The following ATP2B2 variants were observed in gnomAD, a reference collection of about 807,000 sequenced individuals.
The protein encoded by ATP2B2 is plasma membrane calcium-transporting ATPase 2.
ATP2B2 carries 15 observed loss-of-function variants against 120.0 expected under a neutral mutation model. The observed-to-expected ratio is 0.12, with a 90% CI of 0.08 to 0.19. The LOEUF (loss-of-function observed/expected upper bound fraction) is 0.19, where lower values mean the gene tolerates loss of function less well. Among genes scored for constraint, ATP2B2 ranks in the 10% least tolerant of loss-of-function variants. The pLI is 1.00. For synonymous variants in ATP2B2, 694 were observed against 700.3 expected (o/e 0.99, Z 0.14); for missense variants, 1,045 against 1,719.8 (o/e 0.61, Z 6.94).
chr3:10,391,024 T>C (rs1484161023), intron 5 of ATP2B2, among the ~76,000 whole-genome samples: 1 of 152,180 alleles, frequency 6.6e-6, no homozygotes, highest in Non-Finnish European at 1.5e-5. Context: ...TGGGGTCTCA[T>C]GGCGGGTATC....
chr3:10,410,139 C>A (rs1359078461), intron 3 of ATP2B2, among the ~76,000 whole-genome samples: 1 of 152,180 alleles, frequency 6.6e-6, no homozygotes, highest in East Asian at 1.9e-4. Context: ...TTGGTTTCCT[C>A]ATCTTTTTTT....
At chr3:10,541,064 T>C (rs1011037501) in intron 2 of ATP2B2, among the ~76,000 whole-genome samples, 25 of 152,180 alleles carry the variant, frequency 1.6e-4, no homozygotes, top group Admixed American at 1.0e-3. Context: ...TTGTTCATAG[T>C]ATTCCTTATT....
upstream of ATP2B2, among the ~76,000 whole-genome samples, chr3:10,508,989 T>C (rs1311322031): frequency 1.3e-5 from 2 of 152,208 alleles, no homozygotes; most frequent in Admixed American, 1.3e-4. Flanking sequence ...TGATTTTTAC[T>C]CTGTGTTTAG....
chr3:10,377,991 T>C (rs1236564573), intron 10 of ATP2B2, among the ~76,000 whole-genome samples: 1 of 152,238 alleles, frequency 6.6e-6, no homozygotes. Context: ...CTCACAGCCA[T>C]TGCCGGACAA....
At chr3:10,472,552 C>T (rs1398584704) in intron 1 of ATP2B2, among the ~76,000 whole-genome samples, 1 of 152,170 alleles carries the variant, frequency 6.6e-6, no homozygotes, top group Non-Finnish European at 1.5e-5. Flanking sequence ...CAAAACACAC[C>T]GCTCTTCTCT....
intron 1 of ATP2B2, among the ~76,000 whole-genome samples, chr3:10,462,137 C>T (rs561520277): frequency 1.4e-4 from 21 of 152,272 alleles, no homozygotes; most frequent in African/African-American, 4.8e-4. Context: ...GTTCCCAGAC[C>T]GACCTTTCCA....
At chr3:10,368,850 C>G (rs893385766) in intron 12 of ATP2B2, among the ~76,000 whole-genome samples, 1 of 152,184 alleles carries the variant, frequency 6.6e-6, no homozygotes, top group East Asian at 1.9e-4. Flanking sequence ...TTCTCCCTAC[C>G]TATCCCTCAT....
intron 2 of ATP2B2, among the ~76,000 whole-genome samples, chr3:10,419,395 T>C (rs2062895619): frequency 6.6e-6 from 1 of 152,242 alleles, no homozygotes; most frequent in South Asian, 2.1e-4. Flanking sequence ...TCACAAAGGA[T>C]AGATGCAGCT....
intron 1 of ATP2B2, among the ~76,000 whole-genome samples, chr3:10,492,382 G>A (rs1239432477): frequency 6.6e-6 from 1 of 152,204 alleles, no homozygotes; most frequent in African/African-American, 2.4e-5. Flanking sequence ...TCTTTAAGCT[G>A]GAAAGTACAC....
At chr3:10,338,476 C>A in intron 21 of ATP2B2, 118 bp from the exon 22 acceptor site, 3 of 933,234 alleles carry the variant, frequency 3.2e-6, no homozygotes, top group Non-Finnish European at 5.0e-6. Context: ...TGTGATCAAT[C>A]TACTCCTTCA....
chr3:10,667,995 T>TGCAGGGGTGG (rs2070989801), intron 1 of ATP2B2, among the ~76,000 whole-genome samples: 1 of 136,884 alleles, frequency 7.3e-6, no homozygotes, highest in Admixed American at 7.3e-5. Flanking sequence ...GGACAGATAG[T>TGCAGGGGTGG]GCAGGGGTGG....
intron 22 of ATP2B2, among the ~76,000 whole-genome samples, chr3:10,337,240 G>C (rs2060142803): frequency 6.6e-6 from 1 of 152,320 alleles, no homozygotes; most frequent in East Asian, 1.9e-4. Flanking sequence ...AGGTGACCCA[G>C]GTGAGCTCTC....
chr3:10,374,672 T>C (rs971903567), intron 11 of ATP2B2, among the ~76,000 whole-genome samples: 3 of 152,122 alleles, frequency 2.0e-5, no homozygotes, highest in Non-Finnish European at 2.9e-5. Flanking sequence ...GGTGACCCAG[T>C]AGGGTCAGAC....
At chr3:10,641,168 A>G (rs2070161230) in intron 1 of ATP2B2, among the ~76,000 whole-genome samples, 1 of 152,248 alleles carries the variant, frequency 6.6e-6, no homozygotes, top group Non-Finnish European at 1.5e-5. Flanking sequence ...GGGTGCAGGT[A>G]GAAGATGGGG....
chr3:10,396,147 G>T lies in ATP2B2; in HGVS notation c.781+4806C>A, dbSNP rs545088247. On this transcript the variant is annotated intron_variant, in intron 5 of 22. Transcript: ENST00000360273. ...GGCAGAGGCCACAGTGGGAGCTGTT[G>T]GAGGGCTGGAACCTGGGCATTCTGC... 1.2e-4 allele frequency among the ~76,000 whole-genome samples: 19 copies of T among 152,356 alleles called. 2 individuals carry two copies. In the South Asian group the frequency reaches 3.7e-3, roughly 30 times the overall value.
intron 12 of ATP2B2, among the ~76,000 whole-genome samples, chr3:10,368,996 G>T (rs181714905): frequency 2.6e-4 from 39 of 152,320 alleles, no homozygotes; most frequent in Non-Finnish European, 4.7e-4. Context: ...AAAGCCCACA[G>T]CCTGGCATCA....
At chr3:10,378,561 G>A in intron 9 of ATP2B2, 151 bp from the exon 10 acceptor site, 3 of 1,046,074 alleles carry the variant, frequency 2.9e-6, no homozygotes, top group Non-Finnish European at 4.2e-6. Context: ...TGGTGCAGAA[G>A]TCCTGTGATG....
chr3:10,402,047 C>A lies in ATP2B2; in HGVS notation c.655+44G>T. ...TCAGCCTGGCCTGTCCCACCTCTGCCGGAATCCAGCTTTAGAACCTGGCTC... is the reference window on the plus strand; with the variant it reads ...TCAGCCTGGCCTGTCCCACCTCTGCAGGAATCCAGCTTTAGAACCTGGCTC... On this transcript the variant is annotated intron_variant, in intron 4 of 22. Coordinates refer to ENST00000360273, the MANE Select transcript of ATP2B2 (RefSeq NM_001001331.4). The surrounding 1 kb of genome is among the most constrained non-coding windows in gnomAD (Gnocchi z 4.9). 6.2e-7 allele frequency: 1 copy of A among 1,609,102 alleles called. No homozygotes were observed. Among genetic ancestry groups the A allele is most frequent in the South Asian group, 1.1e-5 (1 of 91,040 alleles).
chr3:10,405,281 C>T (rs777122311), intron 3 of ATP2B2, among the ~76,000 whole-genome samples: 1 of 152,144 alleles, frequency 6.6e-6, no homozygotes, highest in Admixed American at 6.5e-5. Context: ...CACCCTATTC[C>T]AACTCCCAGC....
Sources: gnomAD v4.1 joint callset for allele counts (sites outside exome capture counted in the v4.1 genomes callset) on GRCh38, gnomAD v4.1.1 for gene constraint, Gnocchi (gnomAD v3.1) non-coding constraint, MANE v1.5 for transcripts, NCBI Gene and HGNC (gene_info 2026-07-23, HGNC 2026-07-21) for gene names.